The following GABRG3 variants were observed in gnomAD, a reference collection of about 807,000 sequenced individuals.
The protein encoded by GABRG3 is gamma-aminobutyric acid receptor subunit gamma-3.
In GABRG3, 25 loss-of-function variants were observed where a neutral mutation model predicts 48.8. That is an observed-to-expected ratio of 0.51 (90% CI 0.37 to 0.72). The LOEUF is 0.72. Among genes scored for constraint, GABRG3 ranks in the 30% least tolerant of loss-of-function variants. GABRG3 has a pLI of 0.00. For synonymous variants in GABRG3, 227 were observed against 217.6 expected (o/e 1.04, Z -0.38); for missense variants, 394 against 577.9 (o/e 0.68, Z 3.26).
chr15:27,042,362 C>T (rs890706410), intron 3 of GABRG3, among the ~76,000 whole-genome samples: 1 of 152,190 alleles, frequency 6.6e-6, no homozygotes, highest in Non-Finnish European at 1.5e-5. Flanking sequence ...AGGGCCCTCA[C>T]CCGAATGCTG....
intron 3 of GABRG3, among the ~76,000 whole-genome samples, chr15:27,214,665 A>G (rs1167669720): frequency 6.6e-6 from 1 of 151,204 alleles, no homozygotes; most frequent in East Asian, 2.0e-4. Flanking sequence ...AAATTTAGCC[A>G]TAAATCTAAC....
rs376523818 is a variant in GABRG3, at chr15:27,191,854, T to C, written c.271-134955T>C. The stretch of plus-strand genomic sequence containing the variant: ...TTTACATTTTGGCATGATTTTGCAG[T>C]GGCTGGTACCGGTTTTTCCTTTCTA... On this transcript the variant is annotated intron_variant, in intron 3 of 9. Coordinates refer to ENST00000615808, the MANE Select transcript of GABRG3 (RefSeq NM_033223.5). Among the ~76,000 whole-genome samples, 39 of 152,324 alleles carry C rather than the reference T, an allele frequency of 2.6e-4. No individual in the cohort carries two copies. The East Asian group carries it at 7.1e-3, about 28-fold the overall frequency.
chr15:27,044,567 A>G (rs1328033676), intron 3 of GABRG3, among the ~76,000 whole-genome samples: 1 of 152,262 alleles, frequency 6.6e-6, no homozygotes, highest in African/African-American at 2.4e-5. Flanking sequence ...ACCTTTTAAT[A>G]CATAATGATA....
At chr15:27,187,906 T>G (rs1235950321) in intron 3 of GABRG3, among the ~76,000 whole-genome samples, 1 of 114,386 alleles carries the variant, frequency 8.7e-6, no homozygotes, top group African/African-American at 3.4e-5. Flanking sequence ...GTCCCCAGAG[T>G]GTGATGTTCC....
At chr15:27,367,228 C>T (rs572472946) in intron 5 of GABRG3, among the ~76,000 whole-genome samples, 2 of 152,312 alleles carry the variant, frequency 1.3e-5, no homozygotes, top group African/African-American at 4.8e-5. Context: ...CTTCCTGTCT[C>T]GTGAGAACAC....
intron 3 of GABRG3, among the ~76,000 whole-genome samples, chr15:27,268,852 C>T (rs1363728306): frequency 2.0e-5 from 3 of 152,172 alleles, no homozygotes; most frequent in Non-Finnish European, 4.4e-5. Flanking sequence ...TGGCTTCCCC[C>T]TGGGTGTTCC....
At chr15:27,211,774 T>A (rs1182156174) in intron 3 of GABRG3, among the ~76,000 whole-genome samples, 1 of 152,258 alleles carries the variant, frequency 6.6e-6, no homozygotes, top group Non-Finnish European at 1.5e-5. Flanking sequence ...TTTGTGCTTT[T>A]CTGCAGGACT....
intron 5 of GABRG3, among the ~76,000 whole-genome samples, chr15:27,429,627 G>A (rs1888390531): frequency 6.6e-6 from 1 of 152,130 alleles, no homozygotes; most frequent in African/African-American, 2.4e-5. Flanking sequence ...ACTTGAATTT[G>A]CTTCCTTTCA....
chr15:27,044,651 A>G (rs976815642), intron 3 of GABRG3, among the ~76,000 whole-genome samples: 5 of 152,374 alleles, frequency 3.3e-5, no homozygotes, highest in Admixed American at 2.6e-4. Context: ...CAAAGGGTGA[A>G]TCATGAAGGG....
At chr15:27,120,020 G>A (rs1404776004) in intron 3 of GABRG3, among the ~76,000 whole-genome samples, 3 of 152,196 alleles carry the variant, frequency 2.0e-5, no homozygotes, top group Non-Finnish European at 4.4e-5. Context: ...GGGATTAACC[G>A]AATGTGTGAA....
rs962171903 is a variant in GABRG3 at position 27,179,036 on chromosome 15, A to C, written c.271-147773A>C. Among the ~76,000 whole-genome samples the C allele has an allele frequency of 6.6e-6, 1 of 152,186 alleles. No individual in the cohort carries two copies. Among genetic ancestry groups the C allele is most frequent in the Non-Finnish European group, 1.5e-5 (1 of 68,038 alleles). ...AGCCTCAGAGGAGAATGGGACTGAGAGGAGAGCAGGAGAAGGTCAGAGGAA... is the reference window on the plus strand; with the variant it reads ...AGCCTCAGAGGAGAATGGGACTGAGCGGAGAGCAGGAGAAGGTCAGAGGAA... On this transcript the variant is annotated intron_variant, in intron 3 of 9. Coordinates refer to ENST00000615808, the MANE Select transcript of GABRG3 (RefSeq NM_033223.5). This position sits in a 1 kb window ranked among gnomAD's most constrained non-coding sequence, Gnocchi z 4.0.
intron 5 of GABRG3, among the ~76,000 whole-genome samples, chr15:27,434,724 AGC>A (rs1356871969): frequency 2.0e-5 from 3 of 152,184 alleles, no homozygotes; most frequent in Admixed American, 6.5e-5. Context: ...TGGCCAGAGC[AGC>A]AGTATGAGGC....
intron 3 of GABRG3, among the ~76,000 whole-genome samples, chr15:27,085,121 G>T (rs141249660): frequency 1.1e-3 from 170 of 152,326 alleles, no homozygotes; most frequent in Middle Eastern, 6.8e-3. Flanking sequence ...GGCAAATAAG[G>T]GTTTCATTTC....
At chr15:27,151,531 T>C (rs974370130) in intron 3 of GABRG3, among the ~76,000 whole-genome samples, 2 of 152,068 alleles carry the variant, frequency 1.3e-5, no homozygotes, top group Non-Finnish European at 2.9e-5. Flanking sequence ...TCTTGTGTTA[T>C]GTGGAAAAAA....
chr15:27,068,335 C>CACACTGCA (rs1156487581), intron 3 of GABRG3, among the ~76,000 whole-genome samples: 1 of 152,148 alleles, frequency 6.6e-6, no homozygotes, highest in Non-Finnish European at 1.5e-5. Context: ...CAGGAGCCTG[C>CACACTGCA]GGCTGGAGGA....
In GABRG3 at chr15:27,057,509, G is replaced by C. The variant is rs547782073; in HGVS notation, c.270+30688G>C. Among the ~76,000 whole-genome samples, 10 of 152,278 alleles carry C rather than the reference G, an allele frequency of 6.6e-5. No homozygotes were observed. The South Asian group carries it at 2.1e-3, about 32-fold the overall frequency. ...AATGTCATGGGGTGGTTTGAGGTCTGCTCAGTTTCCTGTGCCTTATACATC... is the reference window on the plus strand; with the variant it reads ...AATGTCATGGGGTGGTTTGAGGTCTCCTCAGTTTCCTGTGCCTTATACATC... On this transcript the variant is annotated intron_variant, in intron 3 of 9. Coordinates refer to ENST00000615808, the MANE Select transcript of GABRG3 (RefSeq NM_033223.5).
Position 27,538,537 on chromosome 15 carries a change from AACAC to A in GABRG3, c.*5662_*5665del, listed in dbSNP as rs1891599472. 6.6e-6 allele frequency: 1 copy of A among 152,352 alleles called. No individual in the cohort carries two copies. Among genetic ancestry groups the A allele is most frequent in the South Asian group, 2.1e-4 (1 of 4,826 alleles). 9.4% of individuals were successfully genotyped at this position (152,352 alleles called of 1,614,324 possible). ...CGCCACTTCACTTTTCACATTTGTA[AACAC>A]ACACAGGGTTTTTCCAGCCCAGTGA... On this transcript the variant is annotated 3_prime_UTR_variant, in exon 10 of 10. Transcript: ENST00000615808.
chr15:26,977,275 T>C, intron 2 of GABRG3, 125 bp downstream of exon 2: 3 of 972,698 alleles, frequency 3.1e-6, no homozygotes, highest in Admixed American at 2.4e-5. Flanking sequence ...CCTGTACTTG[T>C]CACACAATAG....
chr15:27,250,348 A>C (rs1396714089), intron 3 of GABRG3, among the ~76,000 whole-genome samples: 1 of 152,198 alleles, frequency 6.6e-6, no homozygotes, highest in Non-Finnish European at 1.5e-5. Context: ...AAATAAAGTC[A>C]AGCATTCACT....
Sources: allele counts gnomAD v4.1 joint callset (sites outside exome capture counted in the v4.1 genomes callset), GRCh38; gene constraint gnomAD v4.1.1; non-coding constraint Gnocchi (gnomAD v3.1); transcripts MANE v1.5; gene names NCBI Gene and HGNC (gene_info 2026-07-23, HGNC 2026-07-21).